The following DMD variants were observed in gnomAD, a reference collection of about 807,000 sequenced individuals.
The protein encoded by DMD is mutant dystrophin.
A neutral mutation model predicts 330.1 loss-of-function variants in DMD; 63 were observed. That is an observed-to-expected ratio of 0.19 (90% confidence interval 0.16 to 0.24). The LOEUF is 0.24. DMD is among the 10% of genes least tolerant of loss of function. DMD has a pLI of 1.00. For synonymous variants in DMD, 1,223 were observed against 959.8 expected, an observed-to-expected ratio of 1.27 and a Z score of -5.07; for missense variants, 3,344 against 2,684.1, an observed-to-expected ratio of 1.25 and a Z score of -5.43.
At chrX:33,053,687 C>T (rs1240550214) in intron 1 of DMD, among the ~76,000 whole-genome samples, 3 of 111,592 alleles carry the variant, frequency 2.7e-5, no homozygotes, top group Non-Finnish European at 5.6e-5. Flanking sequence ...CCTCCTGTAA[C>T]GTCAATTCTA....
chrX:31,127,522 T>G (rs775909429), intron 77 of DMD, among the ~76,000 whole-genome samples: 1 of 112,385 alleles, frequency 8.9e-6, no homozygotes, highest in Non-Finnish European at 1.9e-5. Context: ...GCAATTTCCT[T>G]TAAAATCTTG....
intron 70 of DMD, 35 bp downstream of exon 70, chrX:31,178,634 A>C (rs1569419959): frequency 8.4e-7 from 1 of 1,192,914 alleles, no homozygotes. Flanking sequence ...AATATACATC[A>C]AACAAGAGTG....
intron 44 of DMD, among the ~76,000 whole-genome samples, chrX:32,081,239 G>A (rs1292903466): frequency 8.9e-6 from 1 of 112,159 alleles, no homozygotes; most frequent in African/African-American, 3.2e-5. Flanking sequence ...TTAATTGCAT[G>A]ACGAAATTGG....
intron 44 of DMD, among the ~76,000 whole-genome samples, chrX:32,014,395 C>T (rs1373700629): frequency 9.0e-6 from 1 of 111,465 alleles, no homozygotes; most frequent in Non-Finnish European, 1.9e-5. Flanking sequence ...TACAACTCTA[C>T]ATATCCAGGA....
At chrX:31,456,078 T>TCTCTCC (rs2066136045) in intron 59 of DMD, among the ~76,000 whole-genome samples, 1 of 110,913 alleles carries the variant, frequency 9.0e-6, no homozygotes, top group African/African-American at 3.3e-5. Context: ...TCTCTCTCTC[T>TCTCTCC]CTCTCCCTGC....
chrX:31,206,760 T>C (rs1470055607), intron 65 of DMD, 93 bp from the exon 66 acceptor site: 3 of 681,195 alleles, frequency 4.4e-6, no homozygotes, highest in Admixed American at 5.3e-5. Context: ...AAAGGAAAAA[T>C]AAAGGAGTAA....
In DMD at chrX:32,685,141, C is replaced by G. The variant is rs1243438269; in HGVS notation, c.960+12729G>C. On this transcript the variant is annotated intron_variant, in intron 9 of 78. Coordinates refer to ENST00000357033, the MANE Select transcript of DMD (RefSeq NM_004006.3). ...AATTATTAAATTAATGGTAATACTA[C>G]AGTGCTTCCGGCATACTTGTTCCTG... 2.7e-5 allele frequency among the ~76,000 whole-genome samples: 3 copies of G among 109,888 alleles called. No homozygotes were observed. In the Admixed American group the frequency reaches 2.9e-4, roughly 11 times the overall value.
At chrX:32,996,927 A>T (rs2093136804) in intron 2 of DMD, among the ~76,000 whole-genome samples, 1 of 112,363 alleles carries the variant, frequency 8.9e-6, no homozygotes, top group African/African-American at 3.2e-5. Context: ...AAGGTTAGCC[A>T]TTGTCAAAAG....
chrX:32,477,629 G>A (rs1242389425), intron 21 of DMD, among the ~76,000 whole-genome samples: 1 of 110,630 alleles, frequency 9.0e-6, no homozygotes, highest in African/African-American at 3.3e-5. Context: ...CACTTTAACT[G>A]GAAAGCAAAG....
chrX:31,159,969 A>C (rs991675773), intron 74 of DMD, among the ~76,000 whole-genome samples: 3 of 112,392 alleles, frequency 2.7e-5, no homozygotes, highest in Admixed American at 1.9e-4. Flanking sequence ...AAAGAGGGAG[A>C]AATATCTTCC....
At chrX:31,182,212 C>G (rs998522465) in intron 68 of DMD, among the ~76,000 whole-genome samples, 1 of 111,240 alleles carries the variant, frequency 9.0e-6, no homozygotes, top group African/African-American at 3.3e-5. Context: ...ATCAGATTCA[C>G]AGATAAAGAA....
intron 4 of DMD, among the ~76,000 whole-genome samples, chrX:32,835,243 C>G (rs967408998): frequency 9.0e-6 from 1 of 111,378 alleles, no homozygotes; most frequent in Non-Finnish European, 1.9e-5. Flanking sequence ...TGGGACAGGG[C>G]AAAGAAATAA....
At chrX:32,356,722 T>C (rs2097802308) in intron 37 of DMD, among the ~76,000 whole-genome samples, 1 of 111,286 alleles carries the variant, frequency 9.0e-6, no homozygotes. Flanking sequence ...TCTAGAAAAA[T>C]ACAATCTAAG....
intron 4 of DMD, among the ~76,000 whole-genome samples, chrX:32,835,203 C>T (rs757065982): frequency 1.8e-5 from 2 of 111,276 alleles, no homozygotes; most frequent in Admixed American, 9.6e-5. Flanking sequence ...TTTAAAATGC[C>T]TAATGAAAGG....
At chrX:31,521,648 G>A (rs2072773767) in intron 55 of DMD, among the ~76,000 whole-genome samples, 1 of 112,072 alleles carries the variant, frequency 8.9e-6, no homozygotes, top group Non-Finnish European at 1.9e-5. Flanking sequence ...ATGGACAAAT[G>A]TTTTTGATCC....
chrX:31,331,555 T>C (rs1046004664), intron 61 of DMD, among the ~76,000 whole-genome samples: 19 of 112,005 alleles, frequency 1.7e-4, no homozygotes, highest in Non-Finnish European at 1.5e-4. Context: ...TATAGGAAGA[T>C]AGATACCTAC....
chrX:31,641,501 C>CAA (rs1048854739), intron 54 of DMD, among the ~76,000 whole-genome samples: 5,688 of 33,381 alleles, frequency 0.17, 289 homozygotes, highest in Admixed American at 0.25. Context: ...GACTCCGTCT[C>CAA]AAAAAAAAAA....
intron 44 of DMD, among the ~76,000 whole-genome samples, chrX:32,185,443 C>A (rs2096942344): frequency 9.0e-6 from 1 of 111,245 alleles, no homozygotes; most frequent in Non-Finnish European, 1.9e-5. Context: ...CAAGCATCGC[C>A]CCCAGGAATA....
intron 9 of DMD, among the ~76,000 whole-genome samples, chrX:32,679,824 T>A (rs768041404): frequency 1.9e-5 from 2 of 107,782 alleles, no homozygotes; most frequent in Non-Finnish European, 3.8e-5. Context: ...CATTCCCTTT[T>A]CACAGTATAC....
Sources: gnomAD v4.1 joint callset for allele counts (sites outside exome capture counted in the v4.1 genomes callset) on GRCh38, gnomAD v4.1.1 for gene constraint, MANE v1.5 for transcripts, NCBI Gene and HGNC (gene_info 2026-07-23, HGNC 2026-07-21) for gene names.